ZNF91: variants seen among roughly 807,000 people sequenced by gnomAD.
ZNF91 encodes zinc finger protein 91 (HPF7, HTF10).
A neutral mutation model predicts 12.6 loss-of-function variants in ZNF91; 7 were observed. That is an observed-to-expected ratio of 0.55 (90% confidence interval 0.31 to 1.04). ZNF91 has a LOEUF of 1.04. ZNF91 is among the 50% of genes least tolerant of loss of function. The pLI, the probability that ZNF91 is intolerant of heterozygous loss-of-function variation, is 0.05. For missense variants in ZNF91, 1,217 were observed against 1,385.4 expected, an observed-to-expected ratio of 0.88 and a Z score of 1.93; for synonymous variants, 453 against 462.6, an observed-to-expected ratio of 0.98 and a Z score of 0.27.
chr19:23,392,715 T>C (rs939760879), intron 1 of ZNF91, among the ~76,000 whole-genome samples: 20 of 151,674 alleles, frequency 1.3e-4, no homozygotes, highest in African/African-American at 4.6e-4. Flanking sequence ...TCCTTGAATG[T>C]TTGAATCCAG....
chr19:23,373,357 T>C (rs1057075203), intron 3 of ZNF91, among the ~76,000 whole-genome samples: 6 of 49,704 alleles, frequency 1.2e-4, no homozygotes, highest in African/African-American at 6.0e-4. Context: ...TATATATATA[T>C]ATATATATAT....
chr19:23,362,975 G>A (rs996952392), intron 3 of ZNF91, among the ~76,000 whole-genome samples: 2 of 152,048 alleles, frequency 1.3e-5, no homozygotes, highest in South Asian at 4.1e-4. Flanking sequence ...CTGGGTTCAC[G>A]CCATTACCCT....
chr19:23,356,092 A>C (rs1039729459), downstream of ZNF91, among the ~76,000 whole-genome samples: 1 of 152,162 alleles, frequency 6.6e-6, no homozygotes, highest in Non-Finnish European at 1.5e-5. Flanking sequence ...ATATAAATGC[A>C]TATGGAAAAC....
At chr19:23,386,261 T>C (rs1181358895) in intron 1 of ZNF91, among the ~76,000 whole-genome samples, 1 of 152,118 alleles carries the variant, frequency 6.6e-6, no homozygotes, top group African/African-American at 2.4e-5. Flanking sequence ...TTTAATGCTG[T>C]TCGATATCAA....
downstream of ZNF91, chr19:23,337,900 A>T (rs559157479): frequency 6.6e-6 from 1 of 152,284 alleles, no homozygotes; most frequent in Non-Finnish European, 1.5e-5. Context: ...TGGAAGAAAC[A>T]TAAAAATAAT....
downstream of ZNF91, among the ~76,000 whole-genome samples, chr19:23,335,264 C>T (rs1195144856): frequency 3.3e-5 from 5 of 152,342 alleles, no homozygotes; most frequent in Non-Finnish European, 4.4e-5. Context: ...TTAGGCTACT[C>T]GGGGGTCAGG....
At chr19:23,311,158 G>T (rs1967464521), upstream of ZNF91, among the ~76,000 whole-genome samples, 1 of 152,092 alleles carries the variant, frequency 6.6e-6, no homozygotes, top group South Asian at 2.1e-4. Flanking sequence ...CTTGCCTGGG[G>T]CCTTCACTCA....
downstream of ZNF91, among the ~76,000 whole-genome samples, chr19:23,336,442 G>A (rs542035726): frequency 3.3e-5 from 5 of 152,306 alleles, no homozygotes; most frequent in East Asian, 9.7e-4. Context: ...CAGCTTAGGA[G>A]GAAGCTAGCT....
downstream of ZNF91, among the ~76,000 whole-genome samples, chr19:23,355,124 T>C (rs295374): frequency 0.1 from 15,777 of 152,064 alleles, 1,253 homozygotes; most frequent in East Asian, 0.37. Flanking sequence ...AAAATTCATA[T>C]AGAACCAAAA....
intron 3 of ZNF91, among the ~76,000 whole-genome samples, chr19:23,340,801 GAA>G (rs199613031): frequency 1.3e-5 from 2 of 148,274 alleles, no homozygotes; most frequent in African/African-American, 4.9e-5. Context: ...TTTTGGCACA[GAA>G]AAAAAAATCA....
intron 1 of ZNF91, among the ~76,000 whole-genome samples, chr19:23,392,928 T>C (rs530661269): frequency 6.6e-6 from 1 of 152,290 alleles, no homozygotes; most frequent in South Asian, 2.1e-4. Context: ...CCCATCCTGC[T>C]CACTTAAGTG....
intron 3 of ZNF91, among the ~76,000 whole-genome samples, chr19:23,342,755 A>G (rs1362517719): frequency 6.6e-6 from 1 of 152,144 alleles, no homozygotes; most frequent in African/African-American, 2.4e-5. Context: ...AATCTGGGGT[A>G]TATTTATTCT....
At chr19:23,357,397 ACAAAG>A (rs1272666927), downstream of ZNF91, among the ~76,000 whole-genome samples, 1 of 152,258 alleles carries the variant, frequency 6.6e-6, no homozygotes, top group Non-Finnish European at 1.5e-5. Flanking sequence ...GAAATTCAAT[ACAAAG>A]CAGAGTATAA....
Position 23,316,450 on chromosome 19 carries a change from C to T in ZNF91, n.117-7353G>A, listed in dbSNP as rs181115666. 2.1e-3 allele frequency among the ~76,000 whole-genome samples: 321 copies of T among 152,298 alleles called. 2 individuals carry two copies. Among genetic ancestry groups the T allele is most frequent in the Non-Finnish European group, 3.6e-3 (242 of 68,026 alleles). On this transcript the variant is annotated intron_variant and non_coding_transcript_variant, in intron 1 of 1. Transcript: ENST00000596528. Reference sequence around the variant, plus strand: ...TTTTGACATATTGCTGGGCTTATTACTGAGGTGAGGTGACTCTGCAGCCTG... The same window carrying T: ...TTTTGACATATTGCTGGGCTTATTATTGAGGTGAGGTGACTCTGCAGCCTG...
chr19:23,323,190 A>C (rs1238272896), intron 1 of ZNF91, among the ~76,000 whole-genome samples: 32 of 113,782 alleles, frequency 2.8e-4, no homozygotes, highest in African/African-American at 4.9e-4. Flanking sequence ...TCCTTCTCCT[A>C]TCCACATTCT....
At chr19:23,305,742 G>T (rs1304184208) in intron 3 of ZNF91, among the ~76,000 whole-genome samples, 1 of 152,186 alleles carries the variant, frequency 6.6e-6, no homozygotes, top group Non-Finnish European at 1.5e-5. Flanking sequence ...TTCAACTGTA[G>T]ATTAATCAAG....
intron 1 of ZNF91, among the ~76,000 whole-genome samples, chr19:23,322,353 T>C (rs1477501326): frequency 6.6e-6 from 1 of 152,156 alleles, no homozygotes; most frequent in Non-Finnish European, 1.5e-5. Flanking sequence ...CAAAAAGGGA[T>C]TGTGATGTAT....
chr19:23,379,656 T>A (rs960044433), intron 1 of ZNF91, among the ~76,000 whole-genome samples: 7 of 152,230 alleles, frequency 4.6e-5, no homozygotes, highest in African/African-American at 1.7e-4. Context: ...GCTTTTCACA[T>A]CTTCATGGCA....
At chr19:23,313,375 C>T (rs1057072487), upstream of ZNF91, among the ~76,000 whole-genome samples, 2 of 152,224 alleles carry the variant, frequency 1.3e-5, no homozygotes, top group Non-Finnish European at 2.9e-5. Context: ...TTCCTGCTCA[C>T]AGGGGGGATT....
Sources: allele counts gnomAD v4.1 joint callset (sites outside exome capture counted in the v4.1 genomes callset), GRCh38; gene constraint gnomAD v4.1.1; transcripts MANE v1.5; gene names NCBI Gene and HGNC (gene_info 2026-07-23, HGNC 2026-07-21).